Variants in INPP5A observed in about 807,000 individuals in gnomAD.
The protein encoded by INPP5A is 43 kDa inositol polyphosphate 5-phophatase.
In INPP5A, 14 loss-of-function variants were observed where a neutral mutation model predicts 65.2. That is an observed-to-expected ratio of 0.21 (90% CI 0.14 to 0.34). The LOEUF (loss-of-function observed/expected upper bound fraction) is 0.34. INPP5A is among the 10% of genes least tolerant of loss of function. The pLI is 1.00. For synonymous variants in INPP5A, 207 were observed against 208.3 expected, an observed-to-expected ratio of 0.99 and a Z score of 0.05; for missense variants, 431 against 545.6, an observed-to-expected ratio of 0.79 and a Z score of 2.09.
intron 8 of INPP5A, 112 bp downstream of exon 8, chr10:132,710,568 G>C: frequency 2.8e-6 from 4 of 1,450,540 alleles, no homozygotes; most frequent in Non-Finnish European, 3.7e-6. Flanking sequence ...GGGCAGGTCG[G>C]TGTGGGTGGA....
chr10:132,542,527 T>C (rs2070919619), intron 1 of INPP5A, among the ~76,000 whole-genome samples: 1 of 151,910 alleles, frequency 6.6e-6, no homozygotes, highest in South Asian at 2.1e-4. Flanking sequence ...CTGAACTCCA[T>C]GTTTCCTCCA....
intron 9 of INPP5A, among the ~76,000 whole-genome samples, chr10:132,739,139 C>G (rs1846229498): frequency 6.6e-6 from 1 of 152,242 alleles, no homozygotes; most frequent in Non-Finnish European, 1.5e-5. Context: ...TCCTCAGATT[C>G]CATCTGGGAT....
intron 9 of INPP5A, among the ~76,000 whole-genome samples, chr10:132,742,329 G>T (rs914229618): frequency 2.6e-5 from 4 of 152,196 alleles, no homozygotes; most frequent in Non-Finnish European, 4.4e-5. Flanking sequence ...GGAAGCCTTC[G>T]CACAGTGGCA....
At chr10:132,781,014 G>A in intron 14 of INPP5A, 97 bp downstream of exon 14, 1 of 839,308 alleles carries the variant, frequency 1.2e-6, no homozygotes, top group Non-Finnish European at 1.9e-6. Flanking sequence ...TGCTGGGGCT[G>A]GCAGGCAGGT....
chr10:132,620,784 A>C (rs1374109447), intron 2 of INPP5A, among the ~76,000 whole-genome samples: 2 of 152,218 alleles, frequency 1.3e-5, no homozygotes, highest in African/African-American at 4.8e-5. Flanking sequence ...TGAATTCTAT[A>C]TTTAAACAAG....
intron 12 of INPP5A, among the ~76,000 whole-genome samples, chr10:132,772,626 ACGAAGAG>A (rs1846975928): frequency 2.7e-5 from 3 of 113,176 alleles, no homozygotes; most frequent in Admixed American, 8.4e-5. Flanking sequence ...CAGCCACCCC[ACGAAGAG>A]TGGGACGGAC....
chr10:132,696,444 C>T lies in INPP5A; in HGVS notation c.371-1372C>T, dbSNP rs770787613. On this transcript the variant is annotated intron_variant, in intron 5 of 15. Coordinates refer to ENST00000368594, the MANE Select transcript of INPP5A (RefSeq NM_005539.5). ...CTGTTCTGCCTTGTGGGTGAATGGG[C>T]CAAGCAGACTGTGGCATGTCAGCTC... Among the ~76,000 whole-genome samples, 174 of 152,288 alleles carry T rather than the reference C, an allele frequency of 1.1e-3. 1 individual carries two copies. Among genetic ancestry groups the T allele is most frequent in the Non-Finnish European group, 1.1e-3 (75 of 68,028 alleles).
rs565940934 is a variant in INPP5A, at chr10:132,631,200, G to A, written c.118-14668G>A. Among the ~76,000 whole-genome samples the A allele has an allele frequency of 2.0e-5, 3 of 152,302 alleles. No individual in the cohort carries two copies. The East Asian group carries it at 5.8e-4, about 29-fold the overall frequency. On this transcript the variant is annotated intron_variant, in intron 2 of 15. Transcript: ENST00000368594. Reference sequence around the variant, plus strand: ...TGTCCTGTGTGCAGGGCGGAGAGAAGAACAGGCCCCTGCCCACACAGCTGC... The same window carrying A: ...TGTCCTGTGTGCAGGGCGGAGAGAAAAACAGGCCCCTGCCCACACAGCTGC...
Position 132,587,543 on chromosome 10 carries a change from GGCGAAA to G in INPP5A, c.76-20371_76-20366del. On this transcript the variant is annotated intron_variant, in intron 1 of 15. Coordinates refer to ENST00000368594, the MANE Select transcript of INPP5A (RefSeq NM_005539.5). The surrounding 1 kb of genome is among the most constrained non-coding windows in gnomAD (Gnocchi z 4.3). ...CAGAGCTGTTGGGACGCGGGGAGCA[GGCGAAA>G]TTTCTGGGCCAATGTTTAAACCTGC... 6.6e-6 allele frequency among the ~76,000 whole-genome samples: 1 copy of G among 152,330 alleles called. No homozygotes were observed. The highest frequency in any genetic ancestry group is 2.4e-5 in the African/African-American group (1 of 41,566).
At chr10:132,595,627 T>C (rs1336110081) in intron 1 of INPP5A, among the ~76,000 whole-genome samples, 3 of 152,332 alleles carry the variant, frequency 2.0e-5, no homozygotes, top group African/African-American at 7.2e-5. Flanking sequence ...GGGGTGTTTG[T>C]CACTGGCACC....
chr10:132,612,182 G>A (rs562624686), intron 2 of INPP5A, among the ~76,000 whole-genome samples: 2 of 143,108 alleles, frequency 1.4e-5, no homozygotes, highest in Non-Finnish European at 3.0e-5. Flanking sequence ...GAGGGGAGAG[G>A]CGCTGTCTGA....
At chr10:132,766,578 C>T (rs1015825967) in intron 12 of INPP5A, among the ~76,000 whole-genome samples, 11 of 152,034 alleles carry the variant, frequency 7.2e-5, no homozygotes, top group Non-Finnish European at 8.8e-5. Flanking sequence ...AAGGTGTGCT[C>T]GCGTACATGG....
At chr10:132,586,602 G>A (rs1381478437) in intron 1 of INPP5A, among the ~76,000 whole-genome samples, 1 of 152,248 alleles carries the variant, frequency 6.6e-6, no homozygotes, top group East Asian at 1.9e-4. Context: ...AGGGTGGCCG[G>A]TGACGACGGG....
intron 1 of INPP5A, among the ~76,000 whole-genome samples, chr10:132,586,941 T>A (rs1590848618): frequency 6.6e-6 from 1 of 151,960 alleles, no homozygotes; most frequent in Non-Finnish European, 1.5e-5. Context: ...CGAGTCGGAG[T>A]CGGAGCTGGA....
intron 2 of INPP5A, among the ~76,000 whole-genome samples, chr10:132,624,313 A>G (rs1255774576): frequency 1.3e-5 from 2 of 152,260 alleles, no homozygotes; most frequent in African/African-American, 4.8e-5. Flanking sequence ...CGGTTCTTAC[A>G]GAGGCCTGGG....
At chr10:132,625,536 G>A (rs938252123) in intron 2 of INPP5A, among the ~76,000 whole-genome samples, 8 of 152,138 alleles carry the variant, frequency 5.3e-5, no homozygotes, top group African/African-American at 1.9e-4. Flanking sequence ...GGAGGCTTTG[G>A]GAGCCCCTTG....
At chr10:132,596,385 C>T (rs1320598838) in intron 1 of INPP5A, among the ~76,000 whole-genome samples, 1 of 151,758 alleles carries the variant, frequency 6.6e-6, no homozygotes, top group Non-Finnish European at 1.5e-5. Context: ...TTGATCTTGG[C>T]AGAAGAGGAC....
intron 8 of INPP5A, among the ~76,000 whole-genome samples, chr10:132,713,437 A>G (rs1590947477): frequency 6.6e-6 from 1 of 152,014 alleles, no homozygotes; most frequent in Non-Finnish European, 1.5e-5. Context: ...TGCCGCCTTC[A>G]CGATCCTCCC....
chr10:132,648,909 G>A (rs1488544831), intron 3 of INPP5A, among the ~76,000 whole-genome samples: 1 of 152,142 alleles, frequency 6.6e-6, no homozygotes, highest in Non-Finnish European at 1.5e-5. Context: ...TGGGTTTATC[G>A]TTTTAATCAA....
Sources: allele counts gnomAD v4.1 joint callset (sites outside exome capture counted in the v4.1 genomes callset), GRCh38; gene constraint gnomAD v4.1.1; non-coding constraint Gnocchi (gnomAD v3.1); transcripts MANE v1.5; gene names NCBI Gene and HGNC (gene_info 2026-07-23, HGNC 2026-07-21).